The following TUT4 variants were observed in gnomAD, a reference collection of about 807,000 sequenced individuals.
TUT4 encodes terminal uridylyl transferase 4.
A neutral mutation model predicts 192.2 loss-of-function variants in TUT4; 36 were observed. The ratio of observed to expected loss-of-function variants is 0.19; its 90% CI spans 0.14 to 0.25. The LOEUF (loss-of-function observed/expected upper bound fraction) is 0.25, where lower values mean the gene tolerates loss of function less well. Among genes scored for constraint, TUT4 ranks in the 10% least tolerant of loss-of-function variants. The probability of loss-of-function intolerance (pLI) is 1.00; values close to 1 mark genes in which losing one functional copy is unlikely to be tolerated. For synonymous variants in TUT4, 618 were observed against 666.0 expected, an observed-to-expected ratio of 0.93 and a Z score of 1.11; for missense variants, 1,493 against 1,957.2, an observed-to-expected ratio of 0.76 and a Z score of 4.47.
chr1:52,464,967 C>T (rs1663706839), intron 16 of TUT4, 103 bp downstream of exon 16: 4 of 856,444 alleles, frequency 4.7e-6, no homozygotes, highest in Admixed American at 6.3e-5. Context: ...TATATTTATA[C>T]AAAGAGTGAT....
At chr1:52,532,722 C>T (rs1434332104) in intron 1 of TUT4, among the ~76,000 whole-genome samples, 1 of 152,174 alleles carries the variant, frequency 6.6e-6, no homozygotes, top group Non-Finnish European at 1.5e-5. Flanking sequence ...CACCCTACCA[C>T]CATCCTCCTA....
At chr1:52,461,661 A>G (rs1401847772) in intron 17 of TUT4, 45 bp from the exon 18 acceptor site, 15 of 1,554,728 alleles carry the variant, frequency 9.6e-6, no homozygotes, top group Middle Eastern at 1.8e-4. Context: ...TAATTTTCAT[A>G]TATGCTAAAA....
At chr1:52,477,558 C>A in intron 12 of TUT4, 150 bp downstream of exon 12, 1 of 776,780 alleles carries the variant, frequency 1.3e-6, no homozygotes, top group Non-Finnish European at 1.9e-6. Context: ...CAGGGCAAGA[C>A]CCTGTCTCTA....
chr1:52,457,091 G>C (rs902435672), intron 20 of TUT4, among the ~76,000 whole-genome samples: 1 of 152,084 alleles, frequency 6.6e-6, no homozygotes, highest in African/African-American at 2.4e-5. Context: ...TAAATCTTTG[G>C]CTAGGAAAGG....
rs1158782071 is a variant in TUT4, at chr1:52,458,387, C to G, written c.3384G>C (p.Val1128=). Residue 1128 remains valine, a synonymous_variant, in exon 20 of 30, where the codon GTG becomes GTC. Transcript: ENST00000257177. Reference sequence around the variant, plus strand: ...GCTTTCTCTGCTGCAGAAAGTACAGCACCATAAGGATATATGCATATGAAG... The same window carrying G: ...GCTTTCTCTGCTGCAGAAAGTACAGGACCATAAGGATATATGCATATGAAG... ...SLSSYAYILM[V]LYFLQQRKPP... is the part of the protein sequence containing the mutation. 4 of 1,613,882 alleles carry G rather than the reference C, an allele frequency of 2.5e-6. No homozygotes were observed. Among genetic ancestry groups the G allele is most frequent in the Admixed American group, 1.7e-5 (1 of 59,984 alleles).
intron 4 of TUT4, among the ~76,000 whole-genome samples, chr1:52,505,418 C>CTTTTTT (rs35140317): frequency 9.1e-6 from 1 of 109,534 alleles, no homozygotes; most frequent in African/African-American, 3.8e-5. Flanking sequence ...TTTGCTTAGA[C>CTTTTTT]TTTTTTTTTT....
At chr1:52,466,371 G>A (rs898394041) in intron 15 of TUT4, among the ~76,000 whole-genome samples, 15 of 151,976 alleles carry the variant, frequency 9.9e-5, no homozygotes, top group Non-Finnish European at 1.9e-4. Context: ...GGCGAGGTGC[G>A]GTGGCTCATG....
At position 52,446,800 on chromosome 1, in the gene TUT4, G is replaced by A. The variant is rs539191724; in HGVS notation, c.3436-133C>T. Reference sequence around the variant, plus strand: ...TCTTCCAAAAAGAACATGTCAGGATGATGGTATAATTTGATGCCAAGAAGT... The same window carrying A: ...TCTTCCAAAAAGAACATGTCAGGATAATGGTATAATTTGATGCCAAGAAGT... On this transcript the variant is annotated intron_variant, in intron 20 of 29. Transcript: ENST00000257177. 13 of 618,174 alleles carry A rather than the reference G, an allele frequency of 2.1e-5. No homozygotes were observed. In the African/African-American group the frequency reaches 2.2e-4, roughly 11 times the overall value. The allele number at this position is 618,174 out of a possible 1,614,324, so 38.3% of individuals were successfully genotyped here. A position where few individuals can be genotyped will look rare whatever the true frequency, so the allele number is the denominator to read the frequency against.
intron 8 of TUT4, 128 bp downstream of exon 8, chr1:52,490,604 A>C (rs1168468847): frequency 6.3e-6 from 4 of 633,338 alleles, no homozygotes; most frequent in African/African-American, 1.9e-5. Context: ...TAATGAATAG[A>C]AACTAGCTTA....
At chr1:52,533,475 TTC>T (rs1684034859) in intron 1 of TUT4, among the ~76,000 whole-genome samples, 1 of 152,202 alleles carries the variant, frequency 6.6e-6, no homozygotes, top group Non-Finnish European at 1.5e-5. Context: ...GTTGTTGCTG[TTC>T]TCTCCTTGGA....
At chr1:52,428,310 T>C (rs527249885) in intron 28 of TUT4, among the ~76,000 whole-genome samples, 2 of 151,732 alleles carry the variant, frequency 1.3e-5, no homozygotes, top group East Asian at 3.9e-4. Context: ...ACATGGTGAA[T>C]GAAACCCCAT....
chr1:52,526,061 T>G lies in TUT4; in HGVS notation c.220A>C (p.Lys74Gln). The change falls in exon 2 of 30, where the codon AAA becomes CAA. Residue 74 changes from lysine to glutamine, a missense_variant. Around this residue, in one of 7 missense-constraint regions of TUT4, gnomAD observed 260 missense variants for 247.8 expected, o/e 1.05. Coordinates refer to ENST00000257177, the MANE Select transcript of TUT4 (RefSeq NM_001009881.3). ...CIEKTEVKSC[K>Q]VNAANLPGPK... ...CCTGGAAGGTTGGCAGCATTTACTT[T>G]ACATGATTTAACTTCTGTTTTTTCT... 6.2e-7 allele frequency: 1 copy of G among 1,611,342 alleles called. No homozygotes were observed. The highest frequency in any genetic ancestry group is 8.5e-7 in the Non-Finnish European group (1 of 1,179,236).
At chr1:52,458,285 A>T in intron 20 of TUT4, 51 bp downstream of exon 20, 2 of 1,367,736 alleles carry the variant, frequency 1.5e-6, no homozygotes, top group Non-Finnish European at 2.1e-6. Context: ...TCCTGTGTTT[A>T]GATCTATTGT....
In TUT4 at chr1:52,525,867, C is replaced by G. The variant is rs768521730; in HGVS notation, c.414G>C (p.Val138=). The G allele has an allele frequency of 1.2e-6, 2 of 1,614,090 alleles. No homozygotes were observed. Among genetic ancestry groups the G allele is most frequent in the South Asian group, 2.2e-5 (2 of 91,086 alleles). Residue 138 remains valine (V), a synonymous_variant, in exon 2 of 30, where the codon GTG becomes GTC. Coordinates refer to ENST00000257177, the MANE Select transcript of TUT4 (RefSeq NM_001009881.3). ...GATAACTGGATGCTTTTTCTGCTTT[C>G]ACTGAATTAGGTGACTTTGGTGATT... ...AEKSPKSPNS[V]KAEKASSYQM...
At chr1:52,466,924 C>T (rs960731398) in intron 15 of TUT4, among the ~76,000 whole-genome samples, 3 of 151,952 alleles carry the variant, frequency 2.0e-5, no homozygotes, top group African/African-American at 7.2e-5. Context: ...TCCTCAGCCT[C>T]CCAAAGTGCT....
intron 1 of TUT4, among the ~76,000 whole-genome samples, chr1:52,548,378 T>C (rs912050289): frequency 6.6e-6 from 1 of 152,190 alleles, no homozygotes; most frequent in African/African-American, 2.4e-5. Flanking sequence ...CTTTGCATAT[T>C]TGCAAAATAT....
intron 9 of TUT4, among the ~76,000 whole-genome samples, chr1:52,483,200 T>C (rs1457763762): frequency 6.6e-6 from 1 of 152,186 alleles, no homozygotes; most frequent in Admixed American, 6.5e-5. Context: ...ATTATGAAAT[T>C]TGTGTATGTT....
At chr1:52,545,966 C>CAAAAAAAAAAAAAA in intron 1 of TUT4, among the ~76,000 whole-genome samples, 1 of 72,362 alleles carries the variant, frequency 1.4e-5, no homozygotes, top group Non-Finnish European at 3.1e-5. Context: ...TACAAAAATA[C>CAAAAAAAAAAAAAA]AAAAAAAAAA....
intron 4 of TUT4, among the ~76,000 whole-genome samples, chr1:52,505,642 G>A (rs1303181845): frequency 1.3e-5 from 2 of 151,806 alleles, no homozygotes; most frequent in African/African-American, 4.8e-5. Context: ...GGCTGGTCTC[G>A]AATTCCCAAC....
Sources: allele counts gnomAD v4.1 joint callset (sites outside exome capture counted in the v4.1 genomes callset), GRCh38; gene constraint gnomAD v4.1.1; regional missense constraint gnomAD v4.1.1; transcripts MANE v1.5; gene names NCBI Gene and HGNC (gene_info 2026-07-23, HGNC 2026-07-21).